Variants in GRB14 observed in about 807,000 individuals in gnomAD.
GRB14 encodes the protein growth factor receptor bound protein 14.
A neutral mutation model predicts 69.1 loss-of-function variants in GRB14; 38 were observed. The ratio of observed to expected loss-of-function variants is 0.55; its 90% CI spans 0.42 to 0.72. The LOEUF (loss-of-function observed/expected upper bound fraction) is 0.72. Ranked by LOEUF, GRB14 falls within the 30% of genes least tolerant of loss-of-function variation. GRB14 has a pLI of 0.00. For missense variants in GRB14, 666 were observed against 666.1 expected (o/e 1.00, Z 0.00); for synonymous variants, 247 against 241.3 (o/e 1.02, Z -0.22).
intron 8 of GRB14, among the ~76,000 whole-genome samples, chr2:164,506,424 T>C (rs1051698809): frequency 2.0e-5 from 3 of 152,088 alleles, no homozygotes; most frequent in East Asian, 1.9e-4. Flanking sequence ...ATGACCATAA[T>C]TGACAAGAAC....
chr2:164,536,984 T>A (rs149190789), intron 3 of GRB14, among the ~76,000 whole-genome samples: 170 of 152,268 alleles, frequency 1.1e-3, no homozygotes, highest in African/African-American at 3.9e-3. Flanking sequence ...AAGGGGTGTA[T>A]GAGTACGGAC....
At chr2:164,611,552 G>A (rs1484840531) in intron 2 of GRB14, among the ~76,000 whole-genome samples, 1 of 151,052 alleles carries the variant, frequency 6.6e-6, no homozygotes. Flanking sequence ...AAACCAAGTA[G>A]AGCCAAATGT....
intron 1 of GRB14, among the ~76,000 whole-genome samples, chr2:164,620,380 T>A (rs1019562252): frequency 1.3e-5 from 2 of 152,064 alleles, no homozygotes; most frequent in African/African-American, 4.8e-5. Context: ...TCTGTTGATT[T>A]TTCAAGCGCT....
At chr2:164,499,594 T>C (rs777073862) in intron 9 of GRB14, among the ~76,000 whole-genome samples, 2 of 152,142 alleles carry the variant, frequency 1.3e-5, no homozygotes, top group Non-Finnish European at 2.9e-5. Flanking sequence ...TCTTAGGAGA[T>C]GAACAGAGAA....
chr2:164,502,016 C>T (rs570611493), intron 9 of GRB14, among the ~76,000 whole-genome samples: 1 of 151,750 alleles, frequency 6.6e-6, no homozygotes, highest in East Asian at 1.9e-4. Flanking sequence ...TTAACATATA[C>T]TATTATATAT....
Position 164,527,128 on chromosome 2 carries a change from T to G in GRB14, c.489A>C (p.Thr163=), listed in dbSNP as rs750475514. The change falls in exon 4 of 14, where the codon ACA becomes ACC. Residue 163 remains threonine (T), a synonymous_variant. Coordinates refer to ENST00000263915, the MANE Select transcript of GRB14 (RefSeq NM_004490.3). ...EHLPHIGVER[T]IEDHELVIEV... is the part of the protein sequence containing the mutation. ...CAATCACCAGTTCGTGGTCTTCTAT[T>G]GTTCTTTCTGTAAAGAATGTTTCAA... 7.8e-6 allele frequency: 12 copies of G among 1,541,400 alleles called. No homozygotes were observed. Among genetic ancestry groups the G allele is most frequent in the Non-Finnish European group, 1.1e-5 (12 of 1,129,552 alleles).
chr2:164,563,745 C>CT (rs1369906450), intron 2 of GRB14, among the ~76,000 whole-genome samples: 1 of 152,098 alleles, frequency 6.6e-6, no homozygotes, highest in Admixed American at 6.6e-5. Flanking sequence ...ATCCACAGTC[C>CT]TTTGTGTTTT....
At chr2:164,538,582 T>C (rs962204069) in intron 3 of GRB14, among the ~76,000 whole-genome samples, 4 of 152,164 alleles carry the variant, frequency 2.6e-5, no homozygotes, top group African/African-American at 9.7e-5. Context: ...TAGAACCATA[T>C]AATAATATGA....
At chr2:164,560,971 T>C (rs1445505101) in intron 2 of GRB14, among the ~76,000 whole-genome samples, 1 of 152,020 alleles carries the variant, frequency 6.6e-6, no homozygotes, top group East Asian at 1.9e-4. Context: ...GTCTTGCTTC[T>C]TTTTTTTCCT....
At chr2:164,525,488 A>G (rs1687748010) in intron 4 of GRB14, among the ~76,000 whole-genome samples, 1 of 152,092 alleles carries the variant, frequency 6.6e-6, no homozygotes, top group Non-Finnish European at 1.5e-5. Context: ...CATAGCCCAC[A>G]GCACAGTGGA....
rs1687518782 is a variant in GRB14, at chr2:164,517,349, G to A, written c.816+4631C>T. Among the ~76,000 whole-genome samples, 5 of 152,074 alleles carry A rather than the reference G, an allele frequency of 3.3e-5. No homozygotes were observed. The South Asian group carries it at 6.2e-4, about 19-fold the overall frequency. On this transcript the variant is annotated intron_variant, in intron 6 of 13. Transcript: ENST00000263915. ...GAATTATGACAGTACAATTCAAGAT[G>A]AGATTTGGTTGGGGACACAGCCAAA...
At chr2:164,607,741 G>T (rs1690073429) in intron 2 of GRB14, among the ~76,000 whole-genome samples, 1 of 152,024 alleles carries the variant, frequency 6.6e-6, no homozygotes, top group Non-Finnish European at 1.5e-5. Flanking sequence ...CATCAACAAA[G>T]CTTTACCATT....
intron 5 of GRB14, among the ~76,000 whole-genome samples, chr2:164,523,756 G>A (rs551462275): frequency 6.6e-6 from 1 of 152,190 alleles, no homozygotes; most frequent in South Asian, 2.1e-4. Context: ...TGCCTCAGTG[G>A]AGAGAAGAGG....
At chr2:164,494,350 CA>C (rs869228500) in intron 13 of GRB14, 80 bp downstream of exon 13, 1 of 759,608 alleles carries the variant, frequency 1.3e-6, no homozygotes, top group Non-Finnish European at 2.2e-6. Context: ...CCAAAGTTTC[CA>C]AAAGCTTATG....
intron 2 of GRB14, among the ~76,000 whole-genome samples, chr2:164,582,410 T>C (rs2105338946): frequency 8.5e-6 from 1 of 117,280 alleles, no homozygotes; most frequent in Middle Eastern, 4.2e-3. Flanking sequence ...CTCTTATTTA[T>C]TTATTTATTT....
At chr2:164,558,574 T>C (rs1688740816) in intron 2 of GRB14, among the ~76,000 whole-genome samples, 2 of 152,228 alleles carry the variant, frequency 1.3e-5, no homozygotes, top group Admixed American at 1.3e-4. Context: ...ATGCAATTCC[T>C]GCTAAGATGC....
At chr2:164,619,960 C>A in intron 1 of GRB14, 141 bp from the exon 2 acceptor site, 1 of 624,420 alleles carries the variant, frequency 1.6e-6, no homozygotes. Flanking sequence ...TAGAAAAGGT[C>A]TGTGATGTAC....
At chr2:164,609,289 G>A (rs750683734) in intron 2 of GRB14, among the ~76,000 whole-genome samples, 26 of 152,172 alleles carry the variant, frequency 1.7e-4, no homozygotes, top group Non-Finnish European at 4.4e-5. Context: ...AGACAGCCCA[G>A]CACCTGTGCC....
chr2:164,545,631 A>G (rs879204028), intron 3 of GRB14, among the ~76,000 whole-genome samples: 2 of 152,168 alleles, frequency 1.3e-5, no homozygotes, highest in Admixed American at 1.3e-4. Flanking sequence ...TGTGAGAATA[A>G]ATTTCTGTTG....
Sources: gnomAD v4.1 joint callset for allele counts (sites outside exome capture counted in the v4.1 genomes callset) on GRCh38, gnomAD v4.1.1 for gene constraint, MANE v1.5 for transcripts, NCBI Gene and HGNC (gene_info 2026-07-23, HGNC 2026-07-21) for gene names.